ITGA4: variants seen among roughly 807,000 people sequenced by gnomAD.
The protein encoded by ITGA4 is integrin alpha-4.
In ITGA4, 63 loss-of-function variants were observed where a neutral mutation model predicts 133.6. That is an observed-to-expected ratio of 0.47 (90% CI 0.38 to 0.58). The LOEUF (loss-of-function observed/expected upper bound fraction) is 0.58. ITGA4 is among the 20% of genes least tolerant of loss of function. The pLI, the probability that ITGA4 is intolerant of heterozygous loss-of-function variation, is 0.00. For missense variants in ITGA4, 1,076 were observed against 1,252.7 expected (o/e 0.86, Z 2.13); for synonymous variants, 483 against 438.0 (o/e 1.10, Z -1.28).
chr2:181,484,747 A>T (rs183142823), intron 9 of ITGA4, among the ~76,000 whole-genome samples: 200 of 152,340 alleles, frequency 1.3e-3, no homozygotes, highest in Non-Finnish European at 3.7e-4. Flanking sequence ...TGACTACAAC[A>T]TGGTACATGG....
Position 181,538,792 on chromosome 2 carries a change from A to G in ITGA4, c.*3265A>G, listed in dbSNP as rs1000913611. On this transcript the variant is annotated 3_prime_UTR_variant, in exon 28 of 28. Transcript: ENST00000397033. ...AGATTTAAGATCTTGATCCATTTTT[A>G]AAAATCCAAAATGGAAGTTGTAGAC... Among the ~76,000 whole-genome samples, 1 of 152,198 alleles carries G rather than the reference A, an allele frequency of 6.6e-6. No homozygotes were observed. The highest frequency in any genetic ancestry group is 6.5e-5 in the Admixed American group (1 of 15,270).
In ITGA4 at chr2:181,538,743, T is replaced by C. The variant is rs890400455; in HGVS notation, c.*3216T>C. 1.3e-5 allele frequency among the ~76,000 whole-genome samples: 2 copies of C among 152,168 alleles called. No homozygotes were observed. Among genetic ancestry groups the C allele is most frequent in the African/African-American group, 4.8e-5 (2 of 41,448 alleles). ...ATGGAAGGATAAAAATCTAACACTT[T>C]ACTATTCAGATGGCTCCACTAAAAG... On this transcript the variant is annotated 3_prime_UTR_variant, in exon 28 of 28. Transcript: ENST00000397033.
chr2:181,468,158 C>T (rs551514547), intron 2 of ITGA4, among the ~76,000 whole-genome samples: 201 of 152,324 alleles, frequency 1.3e-3, no homozygotes, highest in Non-Finnish European at 2.5e-3. Flanking sequence ...TAGGCATCTT[C>T]TGAGGACCCC....
Position 181,535,629 on chromosome 2 carries a change from T to G in ITGA4, c.*102T>G. ...AAAAAATGAATTTTGTTTGGACTTC[T>G]TTTACTCATGATCTTGTGACATATT... is the stretch of plus-strand genomic sequence containing the variant. On this transcript the variant is annotated 3_prime_UTR_variant, in exon 28 of 28. Coordinates refer to ENST00000397033, the MANE Select transcript of ITGA4 (RefSeq NM_000885.6). The G allele has an allele frequency of 7.1e-7, 1 of 1,414,614 alleles. No homozygotes were observed. The highest frequency in any genetic ancestry group is 9.5e-7 in the Non-Finnish European group (1 of 1,057,578). 87.6% of individuals were successfully genotyped at this position (1,414,614 alleles called of 1,614,324 possible).
chr2:181,483,709 T>C lies in ITGA4; in HGVS notation c.1041+1058T>C, dbSNP rs887706328. On this transcript the variant is annotated intron_variant, in intron 9 of 27. Transcript: ENST00000397033. ...TAAAAGCAAATTATCTACACAGTGA[T>C]CATTAAATCTCATAGTAGTAATATC... is the stretch of plus-strand genomic sequence containing the variant. Among the ~76,000 whole-genome samples the C allele has an allele frequency of 2.6e-5, 4 of 152,224 alleles. No individual in the cohort carries two copies. The South Asian group carries it at 6.2e-4, about 24-fold the overall frequency.
At position 181,495,414 on chromosome 2, in the gene ITGA4, A is replaced by C; in HGVS notation, c.1383A>C (p.Leu461=). Residue 461 remains leucine, a splice_region_variant and synonymous_variant, in exon 13 of 28, where the codon CTA becomes CTC. Transcript: ENST00000397033. This position sits in a 1 kb window ranked among gnomAD's most constrained non-coding sequence, Gnocchi z 4.3. ...GAFRSDSAVL[L]RTRPVVIVDA... ...TTCGGTCTGATTCTGCTGTCTTGCT[A>C]AGGTAAGACTGATATATTTCACTGC... 3.1e-6 allele frequency: 5 copies of C among 1,603,370 alleles called. No individual in the cohort carries two copies. Among genetic ancestry groups the C allele is most frequent in the Non-Finnish European group, 3.4e-6 (4 of 1,170,378 alleles).
Position 181,527,316 on chromosome 2 carries a change from T to A in ITGA4, c.2359T>A (p.Phe787Ile). The A allele has an allele frequency of 6.2e-7, 1 of 1,611,384 alleles. No homozygotes were observed. The stretch of plus-strand genomic sequence containing the variant: ...TACCAGGTTTGTAAACCCAACTTCA[T>A]TTGTGTATGGATCAAATGATGAAAA... The part of the protein sequence containing the change: ...TVHGFVNPTS[F>I]VYGSNDENEP... The change falls in exon 22 of 28, where the codon TTT becomes ATT. Residue 787 changes from phenylalanine (F) to isoleucine (I), a missense_variant. By Grantham distance (21) the Phe-to-Ile change is conservative. Transcript: ENST00000397033.
intron 17 of ITGA4, among the ~76,000 whole-genome samples, chr2:181,521,513 G>A (rs566928930): frequency 1.3e-5 from 2 of 152,176 alleles, no homozygotes; most frequent in Non-Finnish European, 2.9e-5. Context: ...AGAACTGCTG[G>A]CAGTGCCAGG....
At position 181,537,826 on chromosome 2, in the gene ITGA4, A is replaced by G. The variant is rs1424025470; in HGVS notation, c.*2299A>G. 4.2e-6 allele frequency: 2 copies of G among 480,730 alleles called. No homozygotes were observed. Among genetic ancestry groups the G allele is most frequent in the South Asian group, 3.1e-5 (2 of 64,716 alleles). The allele number at this position is 480,730 out of a possible 1,614,324, so 29.8% of individuals were successfully genotyped here. On this transcript the variant is annotated 3_prime_UTR_variant, in exon 28 of 28. Coordinates refer to ENST00000397033, the MANE Select transcript of ITGA4 (RefSeq NM_000885.6). ...TTTAAAGCCCTAGAGGCTAATTGTT[A>G]GTAACATCAATTTCTATTAGGATAT...
chr2:181,485,621 G>A (rs994346491), intron 9 of ITGA4, among the ~76,000 whole-genome samples: 2 of 152,106 alleles, frequency 1.3e-5, no homozygotes, highest in Non-Finnish European at 2.9e-5. Context: ...TTATCAAAAT[G>A]ATTTATTGGA....
intron 6 of ITGA4, 88 bp downstream of exon 6, chr2:181,480,354 G>C: frequency 1.5e-6 from 1 of 677,342 alleles, no homozygotes; most frequent in Non-Finnish European, 2.3e-6. Flanking sequence ...ATTTTCCAAA[G>C]ATCTAAATGG....
chr2:181,532,579 CTT>C (rs776955605), intron 25 of ITGA4, among the ~76,000 whole-genome samples: 1 of 152,060 alleles, frequency 6.6e-6, no homozygotes, highest in African/African-American at 2.4e-5. Flanking sequence ...ATGCTTGTGA[CTT>C]TTGCACATTG....
In ITGA4 at chr2:181,536,966, T is replaced by TCCTAATTGATGA. The variant is rs1282547031; in HGVS notation, c.*1440_*1451dup. ...TGAAGTCCCTGCCACTAGCCAGCCA[T>TCCTAATTGATGA]CCTAATTGATGAAAGTTATCTGTTC... On this transcript the variant is annotated 3_prime_UTR_variant, in exon 28 of 28. Coordinates refer to ENST00000397033, the MANE Select transcript of ITGA4 (RefSeq NM_000885.6). 2 of 452,644 alleles carry TCCTAATTGATGA rather than the reference T, an allele frequency of 4.4e-6. No homozygotes were observed. Among genetic ancestry groups the TCCTAATTGATGA allele is most frequent in the Admixed American group, 4.7e-5 (2 of 42,296 alleles). 28.0% of individuals were successfully genotyped at this position (452,644 alleles called of 1,614,324 possible). A position where few individuals can be genotyped will look rare whatever the true frequency, so the allele number is the denominator to read the frequency against.
rs1229586537 is a variant in ITGA4, at chr2:181,537,654, C to T, written c.*2127C>T. The T allele has an allele frequency of 2.3e-6, 1 of 433,546 alleles. No individual in the cohort carries two copies. Among genetic ancestry groups the T allele is most frequent in the East Asian group, 7.0e-5 (1 of 14,256 alleles). 26.9% of individuals were successfully genotyped at this position (433,546 alleles called of 1,614,324 possible). On this transcript the variant is annotated 3_prime_UTR_variant, in exon 28 of 28. Coordinates refer to ENST00000397033, the MANE Select transcript of ITGA4 (RefSeq NM_000885.6). ...CTCAAATCCTGAAAAATGAAAGAATCCAAATTATTTCAGAATTATCTAGGT... is the reference window on the plus strand; with the variant it reads ...CTCAAATCCTGAAAAATGAAAGAATTCAAATTATTTCAGAATTATCTAGGT...
intron 15 of ITGA4, among the ~76,000 whole-genome samples, chr2:181,506,403 C>T (rs1352913195): frequency 6.6e-6 from 1 of 151,942 alleles, no homozygotes; most frequent in Non-Finnish European, 1.5e-5. Context: ...GTTATTATTC[C>T]TATTTTCAGA....
At chr2:181,458,421 T>C (rs1178310089) in intron 2 of ITGA4, 104 bp downstream of exon 2, 5 of 1,389,956 alleles carry the variant, frequency 3.6e-6, no homozygotes, top group Non-Finnish European at 5.0e-6. Flanking sequence ...TTACTTCTGG[T>C]TTAAAGAGCA....
intron 20 of ITGA4, among the ~76,000 whole-genome samples, chr2:181,524,575 A>G (rs541937784): frequency 6.6e-6 from 1 of 152,326 alleles, no homozygotes; most frequent in South Asian, 2.1e-4. Flanking sequence ...AATGACTTCC[A>G]TAGATATGTC....
Position 181,538,352 on chromosome 2 carries a change from A to C in ITGA4, c.*2825A>C. ...CCAAATACAAATTGATAACAAACAC[A>C]GCATTCCCAACAGAGCTGTAATCTA... On this transcript the variant is annotated 3_prime_UTR_variant, in exon 28 of 28. Transcript: ENST00000397033. The C allele has an allele frequency of 1.5e-6, 1 of 671,962 alleles. No homozygotes were observed. Among genetic ancestry groups the C allele is most frequent in the East Asian group, 2.6e-5 (1 of 38,292 alleles). 41.6% of individuals were successfully genotyped at this position (671,962 alleles called of 1,614,324 possible). A position where few individuals can be genotyped will look rare whatever the true frequency, so the allele number is the denominator to read the frequency against.
intron 21 of ITGA4, 76 bp from the exon 22 acceptor site, chr2:181,527,221 C>T (rs763035825): frequency 3.6e-6 from 3 of 830,970 alleles, no homozygotes; most frequent in Non-Finnish European, 4.0e-6. Context: ...TGCTATAATC[C>T]AGACTATAGA....
Sources: allele counts gnomAD v4.1 joint callset (sites outside exome capture counted in the v4.1 genomes callset), GRCh38; gene constraint gnomAD v4.1.1; non-coding constraint Gnocchi (gnomAD v3.1); transcripts MANE v1.5; gene names NCBI Gene and HGNC (gene_info 2026-07-23, HGNC 2026-07-21).